Variants in ADAMTS18 observed in about 807,000 individuals in gnomAD.
ADAMTS18 encodes the protein A disintegrin and metalloproteinase with thrombospondin motifs 18.
ADAMTS18 carries 157 observed loss-of-function variants against 165.9 expected under a neutral mutation model. That is an observed-to-expected ratio of 0.95 (90% CI 0.83 to 1.08). The LOEUF (loss-of-function observed/expected upper bound fraction) is 1.08, where lower values mean the gene tolerates loss of function less well. ADAMTS18 is among the 50% of genes least tolerant of loss of function. The probability of loss-of-function intolerance (pLI) is 0.00; values close to 1 mark genes in which losing one functional copy is unlikely to be tolerated. For missense variants in ADAMTS18, 2,040 were observed against 1,534.0 expected (o/e 1.33, Z -5.51); for synonymous variants, 782 against 578.2 (o/e 1.35, Z -5.06).
chr16:77,322,499 C>T (rs767444098), intron 13 of ADAMTS18, 33 bp from the exon 14 acceptor site: 2 of 1,611,120 alleles, frequency 1.2e-6, no homozygotes. Flanking sequence ...AGGAAATGGT[C>T]AAGAGGAAAC....
intron 3 of ADAMTS18, among the ~76,000 whole-genome samples, chr16:77,430,514 A>G (rs1253470440): frequency 6.6e-6 from 1 of 152,216 alleles, no homozygotes; most frequent in Non-Finnish European, 1.5e-5. Context: ...GCCAGAGCAC[A>G]ATCACCATGT....
chr16:77,305,743 C>G (rs1343973203), intron 16 of ADAMTS18, among the ~76,000 whole-genome samples: 1 of 152,162 alleles, frequency 6.6e-6, no homozygotes, highest in Non-Finnish European at 1.5e-5. Context: ...TTTAGTGTGT[C>G]CATCACCATC....
At chr16:77,333,111 G>A (rs991842151) in intron 12 of ADAMTS18, among the ~76,000 whole-genome samples, 6 of 152,124 alleles carry the variant, frequency 3.9e-5, no homozygotes, top group Admixed American at 3.9e-4. Flanking sequence ...GAACAGAGTA[G>A]CTCAGAGTCT....
At chr16:77,391,893 A>C (rs562591571) in intron 3 of ADAMTS18, among the ~76,000 whole-genome samples, 10 of 152,334 alleles carry the variant, frequency 6.6e-5, no homozygotes, top group Non-Finnish European at 1.5e-4. Flanking sequence ...CACATCATGG[A>C]AAGAAGGTGG....
chr16:77,355,007 C>T (rs1009316847), intron 9 of ADAMTS18, among the ~76,000 whole-genome samples: 3 of 152,122 alleles, frequency 2.0e-5, no homozygotes, highest in Non-Finnish European at 4.4e-5. Context: ...GGTTAGATAT[C>T]TTCACGTTTA....
In ADAMTS18 at chr16:77,434,594, G is replaced by C. The variant is rs1210412686; in HGVS notation, c.90+12C>G. On this transcript the variant is annotated intron_variant, in intron 1 of 22. Transcript: ENST00000282849. ...GCCACCCGCTCTCGGAGCTCCGCTC[G>C]GCGGCACCTGCCTTGGCCACGCGCC... The C allele has an allele frequency of 1.3e-6, 2 of 1,526,926 alleles. No homozygotes were observed. Among genetic ancestry groups the C allele is most frequent in the South Asian group, 2.4e-5 (2 of 83,160 alleles). The allele number at this position is 1,526,926 out of a possible 1,614,324, so 94.6% of individuals were successfully genotyped here.
chr16:77,385,389 C>G (rs2057092512), intron 3 of ADAMTS18, among the ~76,000 whole-genome samples: 1 of 152,162 alleles, frequency 6.6e-6, no homozygotes, highest in African/African-American at 2.4e-5. Context: ...GAATAGTTGA[C>G]TTGTATTCTG....
chr16:77,297,396 G>C lies in ADAMTS18; in HGVS notation c.2694C>G (p.Ala898=), dbSNP rs775001548. The change falls in exon 18 of 23, where the codon GCC becomes GCG. Residue 898 remains alanine (A), a synonymous_variant. Transcript: ENST00000282849. ...SCGGGYINVK[A]ICLRDQNTQV... is the part of the protein sequence containing the mutation. The stretch of plus-strand genomic sequence containing the variant: ...GAGTATTTTGATCTCGCAAGCAAAT[G>C]GCCTTTACATTTATGTAACCTGGTA... 2 of 1,613,094 alleles carry C rather than the reference G, an allele frequency of 1.2e-6. No individual in the cohort carries two copies. Among genetic ancestry groups the C allele is most frequent in the Middle Eastern group, 1.6e-4 (1 of 6,082 alleles).
chr16:77,361,612 G>C (rs1355752549), intron 7 of ADAMTS18, among the ~76,000 whole-genome samples: 2 of 152,162 alleles, frequency 1.3e-5, no homozygotes, highest in Non-Finnish European at 2.9e-5. Context: ...AGCCAGGTGA[G>C]GTGGCTCATG....
In ADAMTS18 at chr16:77,367,446, T is replaced by C. The variant is rs1349022360; in HGVS notation, c.773A>G (p.Lys258Arg). Residue 258 changes from lysine to arginine, a missense_variant, in exon 4 of 23, where the codon AAG becomes AGG. Lys to Arg is a conservative substitution (Grantham distance 26). Coordinates refer to ENST00000282849, the MANE Select transcript of ADAMTS18 (RefSeq NM_199355.4). ...LQKQHFCGRR[K>R]KYAPKPPTED... ...GAAAAAGTTTCCTTACATACATTTCTTGCGTCGTCCACAAAAATGCTGCTT... is the reference window on the plus strand; with the variant it reads ...GAAAAAGTTTCCTTACATACATTTCCTGCGTCGTCCACAAAAATGCTGCTT... 1.9e-6 allele frequency: 3 copies of C among 1,614,200 alleles called. No homozygotes were observed. The highest frequency in any genetic ancestry group is 2.5e-6 in the Non-Finnish European group (3 of 1,180,036).
chr16:77,309,599 T>C (rs1187183532), intron 16 of ADAMTS18, among the ~76,000 whole-genome samples: 1 of 152,246 alleles, frequency 6.6e-6, no homozygotes, highest in East Asian at 1.9e-4. Flanking sequence ...CTTAAATTTT[T>C]AGCTTCCCAG....
At chr16:77,402,333 C>T (rs1230198670) in intron 3 of ADAMTS18, among the ~76,000 whole-genome samples, 1 of 152,214 alleles carries the variant, frequency 6.6e-6, no homozygotes, top group Admixed American at 6.5e-5. Flanking sequence ...GTCCCTCCAC[C>T]TCTGAGCACT....
chr16:77,434,367 G>A, intron 2 of ADAMTS18, 51 bp downstream of exon 2: 1 of 1,533,542 alleles, frequency 6.5e-7, no homozygotes, highest in Non-Finnish European at 8.8e-7. Flanking sequence ...GGGAAGGAAG[G>A]GTCAAAGTGC....
intron 4 of ADAMTS18, 78 bp downstream of exon 4, chr16:77,367,363 C>T (rs2056810072): frequency 6.4e-7 from 1 of 1,574,138 alleles, no homozygotes; most frequent in Non-Finnish European, 8.7e-7. Flanking sequence ...ACTTGCAAAG[C>T]TTGTACACCC....
intron 3 of ADAMTS18, among the ~76,000 whole-genome samples, chr16:77,429,697 T>C (rs993768834): frequency 6.6e-6 from 1 of 151,714 alleles, no homozygotes; most frequent in African/African-American, 2.4e-5. Context: ...AGATTATTAA[T>C]TTGAGACAAT....
chr16:77,286,307 T>TTCACCCCTGCTACTTTA (rs1255874508), intron 22 of ADAMTS18, among the ~76,000 whole-genome samples: 7 of 152,164 alleles, frequency 4.6e-5, no homozygotes, highest in African/African-American at 1.7e-4. Flanking sequence ...TCCTCACCCC[T>TTCACCCCTGCTACTTTA]TCACCCCTGC....
chr16:77,348,768 C>G (rs560635413), intron 10 of ADAMTS18, among the ~76,000 whole-genome samples: 1 of 152,244 alleles, frequency 6.6e-6, no homozygotes, highest in South Asian at 2.1e-4. Context: ...AAATGTATCA[C>G]AAGTTTATAA....
intron 3 of ADAMTS18, among the ~76,000 whole-genome samples, chr16:77,371,249 A>T (rs928436595): frequency 6.7e-6 from 1 of 148,454 alleles, no homozygotes; most frequent in African/African-American, 2.5e-5. Context: ...AAACAAAAAC[A>T]AAAACGGAGA....
intron 13 of ADAMTS18, among the ~76,000 whole-genome samples, chr16:77,324,912 T>G (rs1461186642): frequency 2.3e-5 from 3 of 128,446 alleles, no homozygotes; most frequent in Non-Finnish European, 5.2e-5. Context: ...CTATACTTCC[T>G]GGCAAACAGT....
Sources: allele counts gnomAD v4.1 joint callset (sites outside exome capture counted in the v4.1 genomes callset), GRCh38; gene constraint gnomAD v4.1.1; transcripts MANE v1.5; gene names NCBI Gene and HGNC (gene_info 2026-07-23, HGNC 2026-07-21).